The following LIMK2 variants were observed in gnomAD, a reference collection of about 807,000 sequenced individuals.
LIMK2 encodes LIM domain kinase 2.
LIMK2 carries 35 observed loss-of-function variants against 75.7 expected under a neutral mutation model. The ratio of observed to expected loss-of-function variants is 0.46; its 90% confidence interval spans 0.35 to 0.61. LIMK2 has a LOEUF of 0.61. Ranked by LOEUF, LIMK2 falls within the 20% of genes least tolerant of loss-of-function variation. The pLI is 0.00. For missense variants in LIMK2, 623 were observed against 831.0 expected (o/e 0.75, Z 3.08); for synonymous variants, 301 against 319.2 (o/e 0.94, Z 0.61).
intron 7 of LIMK2, among the ~76,000 whole-genome samples, chr22:31,263,728 T>C (rs1737607141): frequency 6.6e-6 from 1 of 152,150 alleles, no homozygotes; most frequent in Admixed American, 6.5e-5. Context: ...CAGGGCACTG[T>C]GGCTCACACC....
In LIMK2 at chr22:31,262,655, G is replaced by C. The variant is rs370089296; in HGVS notation, c.718G>C (p.Val240Leu). The change falls in exon 7 of 16, where the codon GTC becomes CTC. Residue 240 changes from valine (V) to leucine (L), a missense_variant. By Grantham distance (32) the Val-to-Leu change is conservative (BLOSUM62 1). This residue lies in a region of LIMK2 where 514 missense variants were observed against 661.3 expected (regional missense o/e 0.78). Coordinates refer to ENST00000331728, the MANE Select transcript of LIMK2 (RefSeq NM_005569.4). This position sits in a 1 kb window ranked among gnomAD's most constrained non-coding sequence, Gnocchi z 5.0. ...TLQLLIEHDP[V>L]SQRLDQLRLE... ...TCAGCTGTTGATTGAACATGACCCC[G>C]TCTCCCAACGCCTGGACCAGCTGCG... The C allele has an allele frequency of 6.7e-5, 108 of 1,614,008 alleles. No homozygotes were observed. The highest frequency in any genetic ancestry group is 9.1e-5 in the Non-Finnish European group (107 of 1,180,022).
At chr22:31,277,712 C>A in intron 15 of LIMK2, 1 of 201,958 alleles carries the variant, frequency 5.0e-6, no homozygotes, top group Non-Finnish European at 8.8e-6. Context: ...AAGGTGCTTA[C>A]CCTCATAGAA....
intron 14 of LIMK2, 62 bp from the exon 15 acceptor site, chr22:31,275,089 C>A: frequency 6.5e-7 from 1 of 1,534,642 alleles, no homozygotes; most frequent in Non-Finnish European, 9.0e-7. Flanking sequence ...GCATCCCTTT[C>A]CCTTGCCAAG....
At chr22:31,276,677 C>T (rs1331249702) in intron 15 of LIMK2, 24 of 1,087,362 alleles carry the variant, frequency 2.2e-5, no homozygotes, top group East Asian at 5.8e-5. Flanking sequence ...CGCACGTGGC[C>T]CCGGAGGCCG....
At chr22:31,212,821 G>A (rs1029074598) in intron 1 of LIMK2, among the ~76,000 whole-genome samples, 1 of 152,124 alleles carries the variant, frequency 6.6e-6, no homozygotes, top group Non-Finnish European at 1.5e-5. Flanking sequence ...TGGAAGCTCT[G>A]TGGAATTTGA....
At chr22:31,259,002 G>T in intron 3 of LIMK2, 119 bp from the exon 4 acceptor site, 1 of 642,674 alleles carries the variant, frequency 1.6e-6, no homozygotes, top group Non-Finnish European at 2.9e-6. Flanking sequence ...GAGTGAAAGA[G>T]TGGATTTTGA....
In LIMK2 at chr22:31,248,443, G is replaced by A. The variant is rs542441748; in HGVS notation, c.117-9848G>A. Reference sequence around the variant, plus strand: ...TGTGTGTAGCCTCCACAGAGAGGTCGTTTTCTCGGAGTCCAGAGGGGCCGC... The same window carrying A: ...TGTGTGTAGCCTCCACAGAGAGGTCATTTTCTCGGAGTCCAGAGGGGCCGC... On this transcript the variant is annotated intron_variant, in intron 2 of 15. Coordinates refer to ENST00000331728, the MANE Select transcript of LIMK2 (RefSeq NM_005569.4). The A allele has an allele frequency of 1.4e-3, 2,075 of 1,462,854 alleles. 2 individuals carry two copies. Among genetic ancestry groups the A allele is most frequent in the Non-Finnish European group, 1.7e-3 (1,920 of 1,102,158 alleles). The allele number at this position is 1,462,854 out of a possible 1,614,324, so 90.6% of individuals were successfully genotyped here. A position where few individuals can be genotyped will look rare whatever the true frequency, so the allele number is the denominator to read the frequency against.
chr22:31,217,410 AAGAC>A (rs1371757618), intron 1 of LIMK2, among the ~76,000 whole-genome samples: 2 of 152,180 alleles, frequency 1.3e-5, no homozygotes, highest in East Asian at 3.9e-4. Flanking sequence ...AAAAAAAAAA[AAGAC>A]AGGCTTTGGA....
At position 31,276,795 on chromosome 22, in the gene LIMK2, C is replaced by A. The variant is rs780806196; in HGVS notation, c.1772+1487C>A. The A allele has an allele frequency of 1.8e-5, 29 of 1,608,884 alleles. No individual in the cohort carries two copies. The South Asian group carries it at 2.0e-4, about 11-fold the overall frequency. ...ACCACGCATCTACTTTCAGAGCCCC[C>A]CCCGGGGCCGCAGGAGAGGGCCCGG... On this transcript the variant is annotated intron_variant, in intron 15 of 15. Coordinates refer to ENST00000331728, the MANE Select transcript of LIMK2 (RefSeq NM_005569.4).
intron 1 of LIMK2, among the ~76,000 whole-genome samples, chr22:31,218,178 T>C (rs989061776): frequency 2.6e-5 from 4 of 152,242 alleles, no homozygotes; most frequent in Admixed American, 2.6e-4. Context: ...ATCCACTTGG[T>C]AATCCTGTAA....
At position 31,276,898 on chromosome 22, in the gene LIMK2, C is replaced by T. The variant is rs1302211642; in HGVS notation, c.1773-1399C>T. On this transcript the variant is annotated intron_variant, in intron 15 of 15. Coordinates refer to ENST00000331728, the MANE Select transcript of LIMK2 (RefSeq NM_005569.4). ...GTATGACCCCAAGGAGCTACGGAAG[C>T]ACCTCAACCTAGAGGAGTGGATCCT... The T allele has an allele frequency of 1.9e-6, 3 of 1,613,042 alleles. No individual in the cohort carries two copies. Among genetic ancestry groups the T allele is most frequent in the South Asian group, 2.2e-5 (2 of 91,024 alleles).
rs2048356284 is a variant in LIMK2, at chr22:31,212,566, CG to C, written c.16+146del. On this transcript the variant is annotated intron_variant, in intron 1 of 15. Coordinates refer to ENST00000331728, the MANE Select transcript of LIMK2 (RefSeq NM_005569.4). Reference sequence around the variant, plus strand: ...CGAGCTCCTCAGAAAAGCTGGGAGGCGGGGTGGGCACAGCGCTCCCCAGGCA... The same window carrying C: ...CGAGCTCCTCAGAAAAGCTGGGAGGCGGGTGGGCACAGCGCTCCCCAGGCA... 9.0e-6 allele frequency: 7 copies of C among 774,586 alleles called. No individual in the cohort carries two copies. In the Admixed American group the frequency reaches 2.5e-4, roughly 28 times the overall value. The allele number at this position is 774,586 out of a possible 1,614,324, so 48.0% of individuals were successfully genotyped here.
At chr22:31,275,478 G>A (rs973343331) in intron 15 of LIMK2, 170 bp downstream of exon 15, 4 of 630,894 alleles carry the variant, frequency 6.3e-6, no homozygotes, top group Admixed American at 3.0e-5. Context: ...GGTTGGAGAA[G>A]AGAGAGGTAA....
chr22:31,249,892 C>T (rs2048708489), intron 2 of LIMK2, among the ~76,000 whole-genome samples: 1 of 152,194 alleles, frequency 6.6e-6, no homozygotes, highest in Non-Finnish European at 1.5e-5. Flanking sequence ...CTGCTAGACA[C>T]TTTATCCTTT....
At chr22:31,223,553 A>G (rs1341369247) in intron 1 of LIMK2, among the ~76,000 whole-genome samples, 2 of 152,206 alleles carry the variant, frequency 1.3e-5, no homozygotes, top group African/African-American at 4.8e-5. Flanking sequence ...AAGCTCTTAC[A>G]TGTAAGAGTT....
intron 2 of LIMK2, among the ~76,000 whole-genome samples, chr22:31,245,183 C>T (rs2048657232): frequency 6.6e-6 from 1 of 152,204 alleles, no homozygotes; most frequent in African/African-American, 2.4e-5. Context: ...TGCACAAACA[C>T]CAAGAGCTGT....
intron 15 of LIMK2, chr22:31,276,709 CG>C (rs1256984113): frequency 2.2e-6 from 3 of 1,349,238 alleles, no homozygotes; most frequent in African/African-American, 1.6e-5. Flanking sequence ...AGCGGCACCG[CG>C]GGGGGCGCGG....
At chr22:31,218,514 C>G (rs993355290) in intron 1 of LIMK2, among the ~76,000 whole-genome samples, 1 of 152,138 alleles carries the variant, frequency 6.6e-6, no homozygotes, top group Non-Finnish European at 1.5e-5. Flanking sequence ...CTCGAAAGCT[C>G]TTTTAAAAAT....
intron 2 of LIMK2, among the ~76,000 whole-genome samples, chr22:31,246,179 G>GCGCACACACACACACACACA (rs1555886265): frequency 3.7e-4 from 26 of 69,774 alleles, no homozygotes; most frequent in South Asian, 5.8e-4. Flanking sequence ...ACACACGCAC[G>GCGCACACACACACACACACA]CACGCACACA....
Sources: gnomAD v4.1 joint callset for allele counts (sites outside exome capture counted in the v4.1 genomes callset) on GRCh38, gnomAD v4.1.1 for gene constraint, gnomAD v4.1.1 regional missense constraint, Gnocchi (gnomAD v3.1) non-coding constraint, MANE v1.5 for transcripts, NCBI Gene and HGNC (gene_info 2026-07-23, HGNC 2026-07-21) for gene names.